Variants in RARS2 observed in about 807,000 individuals in gnomAD.
The protein encoded by RARS2 is arginyl-tRNA synthetase 2, mitochondrial, also known as probable arginine--tRNA ligase, mitochondrial.
RARS2 carries 67 observed loss-of-function variants against 88.5 expected under a neutral mutation model. The observed-to-expected ratio is 0.76, with a 90% CI of 0.62 to 0.93. RARS2 has a LOEUF of 0.93. RARS2 is among the 40% of genes least tolerant of loss of function. The pLI, the probability that RARS2 is intolerant of heterozygous loss-of-function variation, is 0.00. For synonymous variants in RARS2, 239 were observed against 230.3 expected (o/e 1.04, Z -0.34); for missense variants, 664 against 684.2 (o/e 0.97, Z 0.33).
intron 3 of RARS2, 25 bp from the exon 4 acceptor site, chr6:87,562,810 T>A: frequency 3.8e-6 from 6 of 1,568,236 alleles, no homozygotes; most frequent in Non-Finnish European, 5.3e-6. Flanking sequence ...TCACACAAAG[T>A]AGGTATGTTA....
chr6:87,529,006 C>CT (rs937107927), intron 10 of RARS2, among the ~76,000 whole-genome samples: 28 of 151,484 alleles, frequency 1.8e-4, no homozygotes, highest in East Asian at 3.9e-4. Flanking sequence ...TCAATTACAA[C>CT]TTTTTTTTTA....
chr6:87,524,062 T>G (rs954243334), intron 11 of RARS2, among the ~76,000 whole-genome samples: 1 of 152,228 alleles, frequency 6.6e-6, no homozygotes, highest in African/African-American at 2.4e-5. Flanking sequence ...TGACTTTGTG[T>G]TACAAAAGTG....
chr6:87,556,840 C>A (rs1377104090), intron 4 of RARS2, among the ~76,000 whole-genome samples: 1 of 145,538 alleles, frequency 6.9e-6, no homozygotes, highest in Non-Finnish European at 1.5e-5. Context: ...TAGACAGGGT[C>A]TCTCGCTCAC....
intron 1 of RARS2, among the ~76,000 whole-genome samples, chr6:87,573,243 A>T (rs2035691211): frequency 6.6e-6 from 1 of 152,162 alleles, no homozygotes; most frequent in Non-Finnish European, 1.5e-5. Context: ...TGGGAGCAGG[A>T]GGAAAAGTGT....
rs893288263 is a variant in RARS2 at position 87,564,434 on chromosome 6, C to T, written c.111-202G>A. ...CAGCACTTTGGGAGGCTAAGGCAGG[C>T]GGATCACCTGAGGTTGAGTTCTAGA... On this transcript the variant is annotated intron_variant, in intron 2 of 19. Transcript: ENST00000369536. 3.4e-4 allele frequency: 184 copies of T among 544,800 alleles called. 2 individuals are homozygous for T. Among genetic ancestry groups the T allele is most frequent in the Middle Eastern group, 5.1e-4 (1 of 1,964 alleles). 33.7% of individuals were successfully genotyped at this position (544,800 alleles called of 1,614,324 possible). A position where few individuals can be genotyped will look rare whatever the true frequency, so the allele number is the denominator to read the frequency against.
At chr6:87,557,948 G>C (rs542487211) in intron 4 of RARS2, among the ~76,000 whole-genome samples, 1 of 152,212 alleles carries the variant, frequency 6.6e-6, no homozygotes, top group Non-Finnish European at 1.5e-5. Context: ...GGCTGAGGCA[G>C]AAGGATCACC....
intron 18 of RARS2, 59 bp from the exon 19 acceptor site, chr6:87,515,079 T>C (rs1289100317): frequency 6.3e-6 from 8 of 1,271,700 alleles, no homozygotes; most frequent in Non-Finnish European, 5.8e-6. Flanking sequence ...TTGTAAGATA[T>C]GAGCTTGATA....
chr6:87,580,215 G>A (rs1773054585), intron 1 of RARS2, among the ~76,000 whole-genome samples: 1 of 152,082 alleles, frequency 6.6e-6, no homozygotes, highest in Non-Finnish European at 1.5e-5. Flanking sequence ...GGGTAGGGCT[G>A]TTTCACCTGG....
At position 87,548,760 on chromosome 6, in the gene RARS2, G is replaced by C. The variant is rs940667784; in HGVS notation, c.396-114C>G. On this transcript the variant is annotated intron_variant, in intron 5 of 19. Transcript: ENST00000369536. ...TGTGGAGTATGGCCTTTGGTATTAG[G>C]GCAAAGATAAGTTAAAAGTTAAAAA... The C allele has an allele frequency of 3.3e-6, 3 of 920,998 alleles. No individual in the cohort carries two copies. The Admixed American group carries it at 7.8e-5, about 24-fold the overall frequency. The allele number at this position is 920,998 out of a possible 1,614,324, so 57.1% of individuals were successfully genotyped here.
Position 87,559,816 on chromosome 6 carries a change from C to CA in RARS2, c.297+2885dup, listed in dbSNP as rs1787286987. ...CACATGCACTCACCACTCACTCACC[C>CA]AGAGCAACTTCCAGTCCTGCAAGCT... is the stretch of plus-strand genomic sequence containing the variant. On this transcript the variant is annotated intron_variant, in intron 4 of 19. Transcript: ENST00000369536. Among the ~76,000 whole-genome samples the CA allele has an allele frequency of 2.0e-5, 3 of 152,318 alleles. No individual in the cohort carries two copies. The South Asian group carries it at 6.2e-4, about 32-fold the overall frequency.
At chr6:87,549,502 G>A (rs778049481) in intron 5 of RARS2, among the ~76,000 whole-genome samples, 1 of 151,454 alleles carries the variant, frequency 6.6e-6, no homozygotes, top group Non-Finnish European at 1.5e-5. Context: ...AGTGAACTAC[G>A]ATGACTGCAC....
Position 87,519,663 on chromosome 6 carries a change from C to T in RARS2, c.1157G>A (p.Arg386Gln), listed in dbSNP as rs1182030100. The T allele has an allele frequency of 5.0e-6, 8 of 1,613,240 alleles. No homozygotes were observed. Among genetic ancestry groups the T allele is most frequent in the Admixed American group, 1.7e-5 (1 of 59,996 alleles). ...PFGVVQGMKT[R>Q]RGDVTFLEDV... is the part of the protein sequence containing the mutation. ...TTCCAGGAAAGTGACATCTCCTCTTCGAGTCTTCATTCCCTGTACTACTCC... is the reference window on the plus strand; with the variant it reads ...TTCCAGGAAAGTGACATCTCCTCTTTGAGTCTTCATTCCCTGTACTACTCC... The change falls in exon 14 of 20, where the codon CGA becomes CAA. Residue 386 changes from arginine to glutamine, a missense_variant. Arg to Gln is a conservative substitution (Grantham distance 43). Coordinates refer to ENST00000369536, the MANE Select transcript of RARS2 (RefSeq NM_020320.5).
At chr6:87,589,895 C>A (rs1267357632) in intron 1 of RARS2, 27 bp downstream of exon 1, 2 of 1,614,224 alleles carry the variant, frequency 1.2e-6, no homozygotes, top group Non-Finnish European at 1.7e-6. Context: ...TCCTCAGGGA[C>A]TCCTCTGCGC....
chr6:87,530,762 A>G, intron 9 of RARS2, 22 bp downstream of exon 9: 1 of 1,613,722 alleles, frequency 6.2e-7, no homozygotes, highest in Non-Finnish European at 8.5e-7. Flanking sequence ...ATGGGAAAGC[A>G]GAAGGGAGGG....
At position 87,545,656 on chromosome 6, in the gene RARS2, T is replaced by C. The variant is rs748356201; in HGVS notation, c.495A>G (p.Val165=). ...ANLKEALGHQ[V]IRINYLGDWG... The stretch of plus-strand genomic sequence containing the variant: ...AATCGCCAAGGTAATTTATTCTTAT[T>C]ACTTGATGTCCTAAAGCTTCTTTGA... Residue 165 remains valine, a synonymous_variant, in exon 7 of 20, where the codon GTA becomes GTG. Coordinates refer to ENST00000369536, the MANE Select transcript of RARS2 (RefSeq NM_020320.5). The C allele has an allele frequency of 1.2e-6, 2 of 1,613,648 alleles. No individual in the cohort carries two copies. The highest frequency in any genetic ancestry group is 1.7e-6 in the Non-Finnish European group (2 of 1,179,878).
At chr6:87,554,838 C>T (rs986122801) in intron 5 of RARS2, among the ~76,000 whole-genome samples, 6 of 152,034 alleles carry the variant, frequency 3.9e-5, no homozygotes, top group South Asian at 2.1e-4. Context: ...CAGTGGCTCA[C>T]GCCTGTAATC....
At chr6:87,555,100 A>AAAAT (rs71018037) in intron 5 of RARS2, among the ~76,000 whole-genome samples, 58,058 of 139,308 alleles carry the variant, frequency 0.42, 12,571 homozygotes, top group South Asian at 0.52. Context: ...CTCCGTCTCA[A>AAAAT]AAATAAATAA....
chr6:87,574,142 A>C (rs552726942), intron 1 of RARS2, among the ~76,000 whole-genome samples: 33 of 152,370 alleles, frequency 2.2e-4, no homozygotes, highest in African/African-American at 6.7e-4. Flanking sequence ...AAAAGTAAAA[A>C]TTCTAGGGTA....
At chr6:87,538,767 C>T (rs1244887840) in intron 8 of RARS2, among the ~76,000 whole-genome samples, 1 of 152,118 alleles carries the variant, frequency 6.6e-6, no homozygotes, top group African/African-American at 2.4e-5. Flanking sequence ...GGTGTGGTGG[C>T]TCACACCTAT....
Sources: allele counts gnomAD v4.1 joint callset (sites outside exome capture counted in the v4.1 genomes callset), GRCh38; gene constraint gnomAD v4.1.1; transcripts MANE v1.5; gene names NCBI Gene and HGNC (gene_info 2026-07-23, HGNC 2026-07-21).